The following STIM1 variants were observed in gnomAD, a reference collection of about 807,000 sequenced individuals.
The protein encoded by STIM1 is stromal interaction molecule 1.
STIM1 carries 25 observed loss-of-function variants against 74.7 expected under a neutral mutation model. That is an observed-to-expected ratio of 0.33 (90% CI 0.24 to 0.47). STIM1 has a LOEUF of 0.47. STIM1 is among the 20% of genes least tolerant of loss of function. The pLI, the probability that STIM1 is intolerant of heterozygous loss-of-function variation, is 1.00. For synonymous variants in STIM1, 328 were observed against 348.8 expected (o/e 0.94, Z 0.66); for missense variants, 728 against 920.8 (o/e 0.79, Z 2.71).
At chr11:3,997,564 C>T (rs2093674172) in intron 2 of STIM1, among the ~76,000 whole-genome samples, 1 of 152,108 alleles carries the variant, frequency 6.6e-6, no homozygotes, top group Non-Finnish European at 1.5e-5. Context: ...CAGCCTTTCC[C>T]ATGTTATAGT....
At chr11:4,054,045 C>T (rs529270280) in intron 3 of STIM1, among the ~76,000 whole-genome samples, 15 of 152,328 alleles carry the variant, frequency 9.8e-5, no homozygotes, top group African/African-American at 3.1e-4. Flanking sequence ...CTAGTGCCAT[C>T]GAGCAACTGA....
chr11:4,091,796 T>C lies in STIM1; in HGVS notation c.2149T>C (p.Ter717GlnextTer27). 2 of 1,602,922 alleles carry C rather than the reference T, an allele frequency of 1.2e-6. No homozygotes were observed. Among genetic ancestry groups the C allele is most frequent in the Non-Finnish European group, 8.5e-7 (1 of 1,179,960 alleles). Residue 717 changes from the stop codon to glutamine (Q), a stop_lost, in exon 13 of 13, where the codon TAG (stop) becomes CAG (glutamine). Transcript: ENST00000526596. The part of the protein sequence containing the change: ...LKIFKKPLKK[*>Q] ...AATCTTTAAGAAGCCTCTTAAGAAGTAGGCAGGATGGGGTGGCAGTAAAGG... is the reference window on the plus strand; with the variant it reads ...AATCTTTAAGAAGCCTCTTAAGAAGCAGGCAGGATGGGGTGGCAGTAAAGG...
chr11:3,982,372 G>A (rs1387458686), intron 2 of STIM1, among the ~76,000 whole-genome samples: 3 of 152,112 alleles, frequency 2.0e-5, no homozygotes, highest in African/African-American at 7.2e-5. Context: ...TTTCCTTACC[G>A]TCAAATTAGT....
chr11:4,055,706 A>G (rs1175956670), intron 4 of STIM1, 69 bp downstream of exon 4: 1 of 1,234,584 alleles, frequency 8.1e-7, no homozygotes, highest in African/African-American at 1.5e-5. Context: ...CTGCCTTCAG[A>G]TTGCTCTGGC....
chr11:3,965,876 G>A (rs113935589), intron 1 of STIM1, among the ~76,000 whole-genome samples: 3 of 151,928 alleles, frequency 2.0e-5, no homozygotes, highest in East Asian at 3.9e-4. Context: ...GCGTGGTGGC[G>A]CATGCCTGTA....
At chr11:3,898,982 C>T (rs10767691) in intron 1 of STIM1, among the ~76,000 whole-genome samples, 47,958 of 148,294 alleles carry the variant, frequency 0.32, 7,209 homozygotes, top group South Asian at 0.43. Flanking sequence ...TGGCTTAGGA[C>T]TGACTTGGCG....
intron 5 of STIM1, among the ~76,000 whole-genome samples, chr11:4,066,156 G>T (rs544123338): frequency 6.6e-6 from 1 of 152,068 alleles, no homozygotes; most frequent in Non-Finnish European, 1.5e-5. Context: ...CCATCCTCTG[G>T]TTCCCCCAGT....
In STIM1 at chr11:4,092,131, G is replaced by A; in HGVS notation, c.*333G>A. ...CTTCTGTCTCTGCTGTCCCAGTTTT[G>A]AGGTTTGGTTTCTTGTTTCTGTCTC... On this transcript the variant is annotated 3_prime_UTR_variant, in exon 13 of 13. Transcript: ENST00000526596. 1 of 396,044 alleles carries A rather than the reference G, an allele frequency of 2.5e-6. No homozygotes were observed. 24.5% of individuals were successfully genotyped at this position (396,044 alleles called of 1,614,324 possible). A position where few individuals can be genotyped will look rare whatever the true frequency, so the allele number is the denominator to read the frequency against.
intron 1 of STIM1, among the ~76,000 whole-genome samples, chr11:3,873,999 C>T (rs1281295980): frequency 6.6e-6 from 1 of 152,224 alleles, no homozygotes; most frequent in Non-Finnish European, 1.5e-5. Context: ...GGACTCACTA[C>T]TTTCCTTGCA....
chr11:3,978,294 A>C (rs1033781101), intron 2 of STIM1, among the ~76,000 whole-genome samples: 1 of 151,382 alleles, frequency 6.6e-6, no homozygotes, highest in Non-Finnish European at 1.5e-5. Flanking sequence ...GATTACAGGC[A>C]TGCACCACCA....
intron 3 of STIM1, among the ~76,000 whole-genome samples, chr11:4,042,607 A>T (rs541255662): frequency 6.6e-6 from 1 of 152,208 alleles, no homozygotes; most frequent in African/African-American, 2.4e-5. Flanking sequence ...GTTTTCAAGG[A>T]CCTTTGTCAT....
At chr11:3,999,469 C>T (rs192718399) in intron 2 of STIM1, 4 of 152,302 alleles carry the variant, frequency 2.6e-5, no homozygotes, top group Non-Finnish European at 4.4e-5. Flanking sequence ...TTGTAAAAGA[C>T]CTTGAATGCC....
At chr11:3,982,338 T>G (rs1226125169) in intron 2 of STIM1, among the ~76,000 whole-genome samples, 2 of 152,130 alleles carry the variant, frequency 1.3e-5, no homozygotes, top group African/African-American at 4.8e-5. Context: ...CCTGGAAAAT[T>G]TTCTTAAACT....
chr11:4,018,516 A>G (rs923949762), intron 2 of STIM1, among the ~76,000 whole-genome samples: 1 of 145,876 alleles, frequency 6.9e-6, no homozygotes, highest in Non-Finnish European at 1.5e-5. Context: ...GTGGTGGTGC[A>G]TGCCTGTAAT....
At chr11:3,997,003 G>T (rs554513836) in intron 2 of STIM1, among the ~76,000 whole-genome samples, 2 of 152,306 alleles carry the variant, frequency 1.3e-5, no homozygotes, top group South Asian at 2.1e-4. Context: ...TAAAACAAAG[G>T]TTCCCCAGAC....
At chr11:3,950,898 G>T (rs539971806) in intron 1 of STIM1, among the ~76,000 whole-genome samples, 3 of 152,258 alleles carry the variant, frequency 2.0e-5, no homozygotes, top group African/African-American at 7.2e-5. Context: ...AAAGTATTGG[G>T]ATTACAGGCA....
chr11:4,035,884 G>GTTTTTTTTTTT, intron 3 of STIM1, among the ~76,000 whole-genome samples: 1 of 149,814 alleles, frequency 6.7e-6, no homozygotes. Context: ...TTAAGTTCCA[G>GTTTTTTTTTTT]GGTACATGTG....
intron 1 of STIM1, among the ~76,000 whole-genome samples, chr11:3,911,950 G>A (rs1352947280): frequency 1.3e-5 from 2 of 152,120 alleles, no homozygotes; most frequent in African/African-American, 4.8e-5. Context: ...GCCTAGTATT[G>A]CACAGAGATA....
chr11:3,908,591 G>T (rs1182666941), intron 1 of STIM1, among the ~76,000 whole-genome samples: 1 of 134,758 alleles, frequency 7.4e-6, no homozygotes, highest in African/African-American at 2.9e-5. Context: ...CAGGCTGGGT[G>T]ACAGAGCGAG....
Sources: allele counts gnomAD v4.1 joint callset (sites outside exome capture counted in the v4.1 genomes callset), GRCh38; gene constraint gnomAD v4.1.1; transcripts MANE v1.5; gene names NCBI Gene and HGNC (gene_info 2026-07-23, HGNC 2026-07-21).